The following BACH2 variants were observed in gnomAD, a reference collection of about 807,000 sequenced individuals.
BACH2 encodes the protein BACH transcriptional regulator 2, also known as transcription regulator protein BACH2.
A neutral mutation model predicts 61.8 loss-of-function variants in BACH2; 5 were observed. The observed-to-expected ratio is 0.08, with a 90% CI of 0.04 to 0.17. The LOEUF (loss-of-function observed/expected upper bound fraction) is 0.17, where lower values mean the gene tolerates loss of function less well. Among genes scored for constraint, BACH2 ranks in the 10% least tolerant of loss-of-function variants. BACH2 has a pLI of 1.00. For missense variants in BACH2, 824 were observed against 1,091.1 expected (o/e 0.76, Z 3.45); for synonymous variants, 446 against 440.1 (o/e 1.01, Z -0.17).
At chr6:90,254,347 A>G (rs1265737424) in intron 2 of BACH2, among the ~76,000 whole-genome samples, 1 of 152,020 alleles carries the variant, frequency 6.6e-6, no homozygotes, top group African/African-American at 2.4e-5. Flanking sequence ...AAAATATTAA[A>G]TAAACATTTT....
intron 3 of BACH2, among the ~76,000 whole-genome samples, chr6:90,246,571 A>G (rs1019724813): frequency 6.6e-6 from 1 of 152,196 alleles, no homozygotes; most frequent in African/African-American, 2.4e-5. Flanking sequence ...CTCTTAGTAC[A>G]AACTGGCAAA....
chr6:90,146,732 A>T (rs16882455), intron 4 of BACH2, among the ~76,000 whole-genome samples: 1 of 152,174 alleles, frequency 6.6e-6, no homozygotes, highest in African/African-American at 2.4e-5. Flanking sequence ...TTGTTTCTTA[A>T]GCACTCAGAT....
chr6:90,246,217 GA>G lies in BACH2; in HGVS notation c.-275+6295del, dbSNP rs568271138. On this transcript the variant is annotated intron_variant, in intron 3 of 8. Transcript: ENST00000257749. ...TTCTGTGCCTCTACTACACTCCCTT[GA>G]CCTTTAAATAATCTTCACAAAACAG... is the stretch of plus-strand genomic sequence containing the variant. 3.0e-3 allele frequency among the ~76,000 whole-genome samples: 459 copies of G among 152,236 alleles called. 2 individuals are homozygous for G. The highest frequency in any genetic ancestry group is 4.7e-3 in the Non-Finnish European group (317 of 68,030).
chr6:90,077,010 C>A (rs1781499943), intron 5 of BACH2, among the ~76,000 whole-genome samples: 1 of 152,178 alleles, frequency 6.6e-6, no homozygotes, highest in Non-Finnish European at 1.5e-5. Context: ...TAAAATACAT[C>A]ATTAGAGAAA....
chr6:90,256,112 A>G (rs1039229213), intron 2 of BACH2, among the ~76,000 whole-genome samples: 5 of 150,434 alleles, frequency 3.3e-5, no homozygotes, highest in Non-Finnish European at 5.9e-5. Context: ...GCTCCTGGGG[A>G]AAAAAAAAAT....
intron 6 of BACH2, among the ~76,000 whole-genome samples, chr6:89,968,787 G>A (rs1284977383): frequency 3.3e-5 from 5 of 152,140 alleles, no homozygotes; most frequent in African/African-American, 9.7e-5. Flanking sequence ...GAGGCTGGCC[G>A]ATCCCTTGAG....
At chr6:90,003,583 T>C (rs533522971) in intron 6 of BACH2, among the ~76,000 whole-genome samples, 3 of 152,290 alleles carry the variant, frequency 2.0e-5, no homozygotes, top group African/African-American at 4.8e-5. Flanking sequence ...CCTGGTTACA[T>C]AGCAGGGTCT....
intron 5 of BACH2, among the ~76,000 whole-genome samples, chr6:90,013,151 T>G (rs573622829): frequency 6.6e-6 from 1 of 152,336 alleles, no homozygotes; most frequent in African/African-American, 2.4e-5. Context: ...TTAGTTCTCA[T>G]AGCCTGTTTT....
At chr6:89,970,947 T>G (rs151116831) in intron 6 of BACH2, among the ~76,000 whole-genome samples, 228 of 152,342 alleles carry the variant, frequency 1.5e-3, no homozygotes, top group African/African-American at 5.0e-3. Flanking sequence ...AACGGTGTAT[T>G]TTTTAGGTGC....
Position 89,929,872 on chromosome 6 carries a change from G to A in BACH2, c.*2536C>T, listed in dbSNP as rs1772541824. 1 of 152,262 alleles carries A rather than the reference G, an allele frequency of 6.6e-6. No individual in the cohort carries two copies. Among genetic ancestry groups the A allele is most frequent in the South Asian group, 2.1e-4 (1 of 4,832 alleles). 9.4% of individuals were successfully genotyped at this position (152,262 alleles called of 1,614,324 possible). A position where few individuals can be genotyped will look rare whatever the true frequency, so the allele number is the denominator to read the frequency against. Reference sequence around the variant, plus strand: ...GTGTTCTTTTTTTAAAAGAAGAGGAGAGGTCACTTGGAAAGGCAACAATAG... The same window carrying A: ...GTGTTCTTTTTTTAAAAGAAGAGGAAAGGTCACTTGGAAAGGCAACAATAG... On this transcript the variant is annotated 3_prime_UTR_variant, in exon 9 of 9. Coordinates refer to ENST00000257749, the MANE Select transcript of BACH2 (RefSeq NM_021813.4).
At chr6:90,206,186 G>A (rs1353592638) in intron 4 of BACH2, among the ~76,000 whole-genome samples, 1 of 152,126 alleles carries the variant, frequency 6.6e-6, no homozygotes, top group Non-Finnish European at 1.5e-5. Context: ...TTACAGATGG[G>A]GAAATTGGGG....
At chr6:90,120,187 G>A (rs1363502176) in intron 4 of BACH2, among the ~76,000 whole-genome samples, 1 of 152,200 alleles carries the variant, frequency 6.6e-6, no homozygotes, top group African/African-American at 2.4e-5. Flanking sequence ...TAAAAATGGG[G>A]AGAGGACCGT....
chr6:89,998,741 A>G (rs1247059800), intron 6 of BACH2, among the ~76,000 whole-genome samples: 2 of 150,672 alleles, frequency 1.3e-5, no homozygotes, highest in Admixed American at 6.6e-5. Context: ...CCTGGGTATG[A>G]TCCATTTTAT....
chr6:90,022,844 TGAC>T (rs1778447907), intron 5 of BACH2, among the ~76,000 whole-genome samples: 1 of 152,224 alleles, frequency 6.6e-6, no homozygotes, highest in Non-Finnish European at 1.5e-5. Context: ...GCATAGATTA[TGAC>T]CGAATAATTC....
At chr6:90,061,900 A>G (rs2085638685) in intron 5 of BACH2, among the ~76,000 whole-genome samples, 1 of 152,184 alleles carries the variant, frequency 6.6e-6, no homozygotes, top group Non-Finnish European at 1.5e-5. Context: ...TGTGTCAAGG[A>G]TAACAGGAGA....
chr6:90,009,174 C>T (rs1777573883), intron 5 of BACH2, among the ~76,000 whole-genome samples: 1 of 152,144 alleles, frequency 6.6e-6, no homozygotes, highest in Admixed American at 6.5e-5. Flanking sequence ...TATTTTAAAA[C>T]TTGGTGGTTC....
At chr6:90,286,282 T>C (rs1453582264) in intron 1 of BACH2, among the ~76,000 whole-genome samples, 4 of 152,236 alleles carry the variant, frequency 2.6e-5, no homozygotes, top group African/African-American at 9.6e-5. Flanking sequence ...TAAGTGGAAA[T>C]TTAAAATGTA....
At chr6:90,139,164 C>T (rs1466284568) in intron 4 of BACH2, among the ~76,000 whole-genome samples, 2 of 152,204 alleles carry the variant, frequency 1.3e-5, no homozygotes, top group Non-Finnish European at 2.9e-5. Context: ...AGTCTGTTTA[C>T]AGTGATTCTA....
At position 90,056,972 on chromosome 6, in the gene BACH2, AGT is replaced by A. The variant is rs550301503; in HGVS notation, c.-13+31987_-13+31988del. On this transcript the variant is annotated intron_variant, in intron 5 of 8. Coordinates refer to ENST00000257749, the MANE Select transcript of BACH2 (RefSeq NM_021813.4). ...AGAATCGCTGGGACACATTCAAAGC[AGT>A]GTGTAGAGGGAAATTTATAGCACTA... is the stretch of plus-strand genomic sequence containing the variant. Among the ~76,000 whole-genome samples, 38 of 152,364 alleles carry A rather than the reference AGT, an allele frequency of 2.5e-4. No homozygotes were observed. In the East Asian group the frequency reaches 6.4e-3, roughly 25 times the overall value.
Sources: gnomAD v4.1 joint callset for allele counts (sites outside exome capture counted in the v4.1 genomes callset) on GRCh38, gnomAD v4.1.1 for gene constraint, MANE v1.5 for transcripts, NCBI Gene and HGNC (gene_info 2026-07-23, HGNC 2026-07-21) for gene names.